PPP2R2B: variants seen among roughly 807,000 people sequenced by gnomAD.
PPP2R2B encodes the protein protein phosphatase 2 regulatory subunit Bbeta, also known as serine/threonine-protein phosphatase 2A 55 kDa regulatory subunit B beta isoform.
A neutral mutation model predicts 46.0 loss-of-function variants in PPP2R2B; 5 were observed. That is an observed-to-expected ratio of 0.11 (90% CI 0.06 to 0.23). The LOEUF is 0.23. PPP2R2B is among the 10% of genes least tolerant of loss of function. PPP2R2B has a pLI of 1.00. For missense variants in PPP2R2B, 367 were observed against 575.0 expected (o/e 0.64, Z 3.70); for synonymous variants, 215 against 206.7 (o/e 1.04, Z -0.34).
At chr5:146,967,176 A>G (rs1457444541) in intron 1 of PPP2R2B, among the ~76,000 whole-genome samples, 1 of 152,174 alleles carries the variant, frequency 6.6e-6, no homozygotes, top group African/African-American at 2.4e-5. Flanking sequence ...ATACATGGAT[A>G]AAAAAGGGCT....
At chr5:146,718,607 C>G (rs964513268) in intron 2 of PPP2R2B, among the ~76,000 whole-genome samples, 5 of 152,108 alleles carry the variant, frequency 3.3e-5, no homozygotes, top group Non-Finnish European at 4.4e-5. Flanking sequence ...ATCATATACA[C>G]GAAAACACAT....
intron 2 of PPP2R2B, among the ~76,000 whole-genome samples, chr5:146,816,755 C>T (rs1757955780): frequency 6.6e-6 from 1 of 152,058 alleles, no homozygotes; most frequent in Non-Finnish European, 1.5e-5. Flanking sequence ...AGTCTTTTGT[C>T]AGTTTTTAAA....
chr5:147,020,476 A>G (rs1210758209), intron 1 of PPP2R2B, among the ~76,000 whole-genome samples: 1 of 152,152 alleles, frequency 6.6e-6, no homozygotes, highest in Non-Finnish European at 1.5e-5. Context: ...TAGTGATAGT[A>G]CTATACTATC....
chr5:146,823,056 C>T (rs377134477), intron 2 of PPP2R2B, among the ~76,000 whole-genome samples: 7 of 152,286 alleles, frequency 4.6e-5, no homozygotes, highest in South Asian at 4.1e-4. Context: ...ACACTCCCTC[C>T]ATGTGAACCA....
intron 2 of PPP2R2B, among the ~76,000 whole-genome samples, chr5:146,704,344 T>G (rs982883862): frequency 1.3e-5 from 2 of 152,216 alleles, no homozygotes; most frequent in Admixed American, 6.5e-5. Flanking sequence ...GTAGCAAGTT[T>G]AGAGATAATA....
chr5:146,803,326 T>G (rs945954653), intron 2 of PPP2R2B, among the ~76,000 whole-genome samples: 3 of 152,304 alleles, frequency 2.0e-5, no homozygotes, highest in Admixed American at 2.0e-4. Flanking sequence ...TCAGGGAATG[T>G]TCTAAGAGAG....
chr5:146,761,278 C>T (rs1472284826), intron 2 of PPP2R2B, among the ~76,000 whole-genome samples: 19 of 152,202 alleles, frequency 1.2e-4, no homozygotes, highest in Middle Eastern at 3.4e-3. Flanking sequence ...TGTCCAACAA[C>T]GATAGACTGG....
chr5:146,897,032 C>G (rs182015299), intron 1 of PPP2R2B, among the ~76,000 whole-genome samples: 18 of 152,148 alleles, frequency 1.2e-4, no homozygotes, highest in Admixed American at 1.2e-3. Flanking sequence ...TCTCCTTTTC[C>G]CAAGATCTCT....
Position 146,752,921 on chromosome 5 carries a change from C to T in PPP2R2B, c.71-51779G>A, listed in dbSNP as rs139571515. Among the ~76,000 whole-genome samples, 606 of 152,264 alleles carry T rather than the reference C, an allele frequency of 4.0e-3. 2 individuals are homozygous for T. Among genetic ancestry groups the T allele is most frequent in the African/African-American group, 0.014 (569 of 41,540 alleles). On this transcript the variant is annotated intron_variant, in intron 2 of 9. Coordinates refer to ENST00000394411, the MANE Select transcript of PPP2R2B (RefSeq NM_181675.4). ...GTATTATCTGGGGATCTGATCACTT[C>T]GGGGAACACAGGTGAAACTTCTCTG...
At position 146,641,609 on chromosome 5, in the gene PPP2R2B, C is replaced by T. The variant is rs571538678; in HGVS notation, c.626-3194G>A. On this transcript the variant is annotated intron_variant, in intron 6 of 9. Transcript: ENST00000394411. ...TGGAGGATTTGGTGAGTTCTAGAAA[C>T]ATTTGAGAGAAGTCTAGTTGCTAAA... Among the ~76,000 whole-genome samples, 137 of 145,856 alleles carry T rather than the reference C, an allele frequency of 9.4e-4. 1 individual carries two copies. Among genetic ancestry groups the T allele is most frequent in the Middle Eastern group, 3.7e-3 (1 of 272 alleles).
At chr5:146,983,269 C>T (rs1246291836) in intron 1 of PPP2R2B, among the ~76,000 whole-genome samples, 2 of 147,776 alleles carry the variant, frequency 1.4e-5, no homozygotes, top group Admixed American at 7.0e-5. Flanking sequence ...CAAGCTCCAC[C>T]TCCCGGGTTC....
intron 2 of PPP2R2B, among the ~76,000 whole-genome samples, chr5:146,845,315 T>TTTTTTTTTTTTTTTTTTTTTG (rs1759924138): frequency 8.0e-6 from 1 of 125,506 alleles, no homozygotes; most frequent in Non-Finnish European, 1.7e-5. Flanking sequence ...CTTTTTTTTG[T>TTTTTTTTTTTTTTTTTTTTTG]TTTTTTTTGA....
chr5:146,692,438 C>A (rs544181167), intron 4 of PPP2R2B, among the ~76,000 whole-genome samples: 3 of 152,194 alleles, frequency 2.0e-5, no homozygotes, highest in Non-Finnish European at 2.9e-5. Context: ...CATCCCTACA[C>A]CTGTCATGCA....
chr5:146,978,969 C>G (rs1440642286), intron 1 of PPP2R2B, among the ~76,000 whole-genome samples: 2 of 152,124 alleles, frequency 1.3e-5, no homozygotes, highest in Admixed American at 6.5e-5. Flanking sequence ...AATGTTAGTT[C>G]ATGCATATCA....
chr5:146,711,876 A>AT (rs577550147), intron 2 of PPP2R2B, among the ~76,000 whole-genome samples: 265 of 150,952 alleles, frequency 1.8e-3, no homozygotes, highest in Admixed American at 7.7e-3. Context: ...AAGTCAAAGA[A>AT]TTTTTTTTTT....
chr5:146,666,855 G>A (rs3096085), intron 5 of PPP2R2B, among the ~76,000 whole-genome samples: 141,036 of 152,290 alleles, frequency 0.93, 65,607 homozygotes, highest in East Asian at 1. Context: ...TCCATATCAT[G>A]TCATCAAGTA....
Position 146,850,892 on chromosome 5 carries a change from C to T in PPP2R2B, c.70+27110G>A, listed in dbSNP as rs138783974. ...CAAGTAAATGTCTGAAAAATGACCACGCAATCTATCCATACTGCTGTAAAG... is the reference window on the plus strand; with the variant it reads ...CAAGTAAATGTCTGAAAAATGACCATGCAATCTATCCATACTGCTGTAAAG... On this transcript the variant is annotated intron_variant, in intron 2 of 9. Transcript: ENST00000394411. Among the ~76,000 whole-genome samples, 430 of 152,160 alleles carry T rather than the reference C, an allele frequency of 2.8e-3. 2 individuals are homozygous for T. The highest frequency in any genetic ancestry group is 9.9e-3 in the African/African-American group (410 of 41,524).
chr5:146,934,205 G>C (rs947776758), intron 1 of PPP2R2B, among the ~76,000 whole-genome samples: 1 of 151,932 alleles, frequency 6.6e-6, no homozygotes, highest in Non-Finnish European at 1.5e-5. Context: ...CCAGTAATGG[G>C]ATGGCTGGGT....
At chr5:146,745,953 G>T (rs941508361) in intron 2 of PPP2R2B, among the ~76,000 whole-genome samples, 1 of 92,314 alleles carries the variant, frequency 1.1e-5, no homozygotes, top group African/African-American at 3.7e-5. Context: ...GAGAGACTTG[G>T]TCTCAAAGAA....
Sources: allele counts gnomAD v4.1 joint callset (sites outside exome capture counted in the v4.1 genomes callset), GRCh38; gene constraint gnomAD v4.1.1; transcripts MANE v1.5; gene names NCBI Gene and HGNC (gene_info 2026-07-23, HGNC 2026-07-21).